The following KLHL12 variants were observed in gnomAD, a reference collection of about 807,000 sequenced individuals.
KLHL12 encodes the protein kelch like family member 12.
A neutral mutation model predicts 60.8 loss-of-function variants in KLHL12; 17 were observed. The ratio of observed to expected loss-of-function variants is 0.28; its 90% CI spans 0.19 to 0.42. KLHL12 has a LOEUF of 0.42. KLHL12 is among the 10% of genes least tolerant of loss of function. KLHL12 has a pLI of 1.00. For missense variants in KLHL12, 468 were observed against 722.3 expected, an observed-to-expected ratio of 0.65 and a Z score of 4.04; for synonymous variants, 220 against 250.9, an observed-to-expected ratio of 0.88 and a Z score of 1.16.
intron 6 of KLHL12, among the ~76,000 whole-genome samples, chr1:202,907,231 G>T (rs1344750108): frequency 2.6e-5 from 4 of 152,114 alleles, no homozygotes; most frequent in African/African-American, 9.7e-5. Context: ...GATTATGGAT[G>T]ATTTTTATTT....
At chr1:202,906,576 T>C (rs1334660291) in intron 6 of KLHL12, among the ~76,000 whole-genome samples, 1 of 151,982 alleles carries the variant, frequency 6.6e-6, no homozygotes, top group Non-Finnish European at 1.5e-5. Context: ...CAGAGATTGA[T>C]TGTATAACAA....
chr1:202,900,971 G>T (rs1194404251), intron 6 of KLHL12, among the ~76,000 whole-genome samples: 1 of 152,086 alleles, frequency 6.6e-6, no homozygotes, highest in Non-Finnish European at 1.5e-5. Flanking sequence ...ACTTGAACCT[G>T]GGAGGCGGAG....
intron 4 of KLHL12, among the ~76,000 whole-genome samples, chr1:202,917,961 C>A (rs549807870): frequency 6.6e-6 from 1 of 152,264 alleles, no homozygotes; most frequent in Admixed American, 6.5e-5. Context: ...GTGATTCTTA[C>A]CCACTGGGAT....
chr1:202,913,063 A>T (rs556910589), intron 4 of KLHL12, among the ~76,000 whole-genome samples: 4 of 148,116 alleles, frequency 2.7e-5, no homozygotes, highest in South Asian at 2.2e-4. Context: ...TAAATGTCTT[A>T]AAAAAAAAAC....
chr1:202,925,592 A>G (rs1179907304), intron 1 of KLHL12, among the ~76,000 whole-genome samples: 1 of 152,210 alleles, frequency 6.6e-6, no homozygotes, highest in East Asian at 1.9e-4. Context: ...TTAAGTAGAT[A>G]AGTATTTAGA....
At chr1:202,926,104 CAAAAAAAAAAA>C (rs368473168) in intron 1 of KLHL12, among the ~76,000 whole-genome samples, 1 of 59,538 alleles carries the variant, frequency 1.7e-5, no homozygotes, top group African/African-American at 5.1e-5. Flanking sequence ...GACTCTGTCT[CAAAAAAAAAAA>C]AAAAAAAAGA....
chr1:202,906,455 C>CAAAA (rs59435824), intron 6 of KLHL12, among the ~76,000 whole-genome samples: 1 of 52,740 alleles, frequency 1.9e-5, no homozygotes, highest in Non-Finnish European at 3.7e-5. Context: ...CGCTTCGTCT[C>CAAAA]AAAAAAAAAA....
Position 202,895,651 on chromosome 1 carries a change from C to T in KLHL12, c.1006G>A (p.Gly336Ser), listed in dbSNP as rs1659810615. The T allele has an allele frequency of 6.2e-7, 1 of 1,614,018 alleles. No individual in the cohort carries two copies. Among genetic ancestry groups the T allele is most frequent in the Admixed American group, 1.7e-5 (1 of 60,000 alleles). ...SLHDRIYVIG[G>S]YDGRSRLSSV... The stretch of plus-strand genomic sequence containing the variant: ...CTAAGGCGGGAACGGCCATCATAGC[C>T]ACCAATGACGTAGATCCGGTCATGA... Residue 336 changes from glycine to serine, a missense_variant, in exon 8 of 12, where the codon GGC (glycine) becomes AGC (serine). Coordinates refer to ENST00000367261, the MANE Select transcript of KLHL12 (RefSeq NM_021633.4). This position sits in a 1 kb window ranked among gnomAD's most constrained non-coding sequence, Gnocchi z 4.2.
At chr1:202,922,484 C>A (rs1660725218) in intron 2 of KLHL12, among the ~76,000 whole-genome samples, 1 of 151,182 alleles carries the variant, frequency 6.6e-6, no homozygotes, top group East Asian at 1.9e-4. Flanking sequence ...CAAAGAAGAT[C>A]CAAGACTTTT....
intron 6 of KLHL12, among the ~76,000 whole-genome samples, chr1:202,899,406 A>G (rs1487007141): frequency 6.6e-6 from 1 of 152,186 alleles, no homozygotes; most frequent in South Asian, 2.1e-4. Flanking sequence ...TTTTCTTAAT[A>G]AAACATATAC....
chr1:202,923,207 A>C (rs982419747), intron 2 of KLHL12, among the ~76,000 whole-genome samples: 5 of 152,264 alleles, frequency 3.3e-5, no homozygotes, highest in Non-Finnish European at 5.9e-5. Context: ...TCCAAATAAC[A>C]AAAGAGTAAA....
At position 202,908,908 on chromosome 1, in the gene KLHL12, C is replaced by T. The variant is rs562773357; in HGVS notation, c.832+102G>A. 5.0e-5 allele frequency: 35 copies of T among 705,852 alleles called. No homozygotes were observed. In the African/African-American group the frequency reaches 6.1e-4, roughly 12 times the overall value. 43.7% of individuals were successfully genotyped at this position (705,852 alleles called of 1,614,324 possible). A position where few individuals can be genotyped will look rare whatever the true frequency, so the allele number is the denominator to read the frequency against. On this transcript the variant is annotated intron_variant, in intron 6 of 11. Coordinates refer to ENST00000367261, the MANE Select transcript of KLHL12 (RefSeq NM_021633.4). ...AGATGATAGAAGAAAAGGTCTGAAA[C>T]GAGGTGTCTGTACTTCTTATAGAGT... is the stretch of plus-strand genomic sequence containing the variant.
chr1:202,892,487 T>G lies in KLHL12; in HGVS notation c.*46A>C. ...AAGGATTTTTGATTCTCCCACTAAC[T>G]GTCCACTGGACTGGTCACTAGCTCT... On this transcript the variant is annotated 3_prime_UTR_variant, in exon 12 of 12. Transcript: ENST00000367261. 1 of 1,597,390 alleles carries G rather than the reference T, an allele frequency of 6.3e-7. No homozygotes were observed. The highest frequency in any genetic ancestry group is 8.6e-7 in the Non-Finnish European group (1 of 1,168,636).
rs1659791876 is a variant in KLHL12 at position 202,895,125 on chromosome 1, C to T, written c.1136-376G>A. Among the ~76,000 whole-genome samples, 1 of 152,192 alleles carries T rather than the reference C, an allele frequency of 6.6e-6. No individual in the cohort carries two copies. ...AGTATTTGTCGGCTGGGCACAGTGG[C>T]TCACACCTGTAATCCCAGCACCTTG... On this transcript the variant is annotated intron_variant, in intron 8 of 11. Transcript: ENST00000367261. This position sits in a 1 kb window ranked among gnomAD's most constrained non-coding sequence, Gnocchi z 4.2.
chr1:202,896,374 A>G (rs1443021440), intron 7 of KLHL12, among the ~76,000 whole-genome samples: 2 of 152,094 alleles, frequency 1.3e-5, no homozygotes, highest in Non-Finnish European at 2.9e-5. Flanking sequence ...ACTTTTTTGT[A>G]GAGACAGAGT....
In KLHL12 at chr1:202,895,429, G is replaced by A. The variant is rs772381045; in HGVS notation, c.1135+93C>T. On this transcript the variant is annotated intron_variant, in intron 8 of 11. Transcript: ENST00000367261. The surrounding 1 kb of genome is among the most constrained non-coding windows in gnomAD (Gnocchi z 4.2). The stretch of plus-strand genomic sequence containing the variant: ...AACATTTGACCTTAATTTTTTCTCC[G>A]TATTTCATGCTCCTGCCAGACAACA... The A allele has an allele frequency of 6.5e-5, 71 of 1,087,352 alleles. No homozygotes were observed. The highest frequency in any genetic ancestry group is 6.2e-4 in the African/African-American group (39 of 62,914). 67.4% of individuals were successfully genotyped at this position (1,087,352 alleles called of 1,614,324 possible). A position where few individuals can be genotyped will look rare whatever the true frequency, so the allele number is the denominator to read the frequency against.
rs180861769 is a variant in KLHL12 at position 202,901,754 on chromosome 1, C to T, written c.833-4794G>A. Among the ~76,000 whole-genome samples the T allele has an allele frequency of 9.8e-4, 149 of 152,250 alleles. 2 individuals are homozygous for T. The highest frequency in any genetic ancestry group is 3.4e-3 in the African/African-American group (142 of 41,546). Reference sequence around the variant, plus strand: ...AGTGAGTTTAAGTAATTAACTTCCCCGCAACTGCCAACAGAGCTTTTGATA... The same window carrying T: ...AGTGAGTTTAAGTAATTAACTTCCCTGCAACTGCCAACAGAGCTTTTGATA... On this transcript the variant is annotated intron_variant, in intron 6 of 11. Coordinates refer to ENST00000367261, the MANE Select transcript of KLHL12 (RefSeq NM_021633.4).
chr1:202,911,693 C>A (rs1009110029), intron 4 of KLHL12: 4 of 544,474 alleles, frequency 7.3e-6, no homozygotes, highest in Admixed American at 5.4e-5. Context: ...TTCACCCAAG[C>A]CTCTGAAGCA....
At position 202,894,291 on chromosome 1, in the gene KLHL12, C is replaced by CA. The variant is rs778115101; in HGVS notation, c.1295-10dup. 2 of 1,524,684 alleles carry CA rather than the reference C, an allele frequency of 1.3e-6. No individual in the cohort carries two copies. The highest frequency in any genetic ancestry group is 2.4e-5 in the South Asian group (2 of 83,682). The allele number at this position is 1,524,684 out of a possible 1,614,324, so 94.4% of individuals were successfully genotyped here. A position where few individuals can be genotyped will look rare whatever the true frequency, so the allele number is the denominator to read the frequency against. On this transcript the variant is annotated splice_polypyrimidine_tract_variant and intron_variant, in intron 9 of 11. Transcript: ENST00000367261. Reference sequence around the variant, plus strand: ...CAAGCCGTCATATCCTCCTGGAAGACAGAGACCATTCCAGAAAGAGTGGTA... The same window carrying CA: ...CAAGCCGTCATATCCTCCTGGAAGACAAGAGACCATTCCAGAAAGAGTGGTA...
Sources: allele counts gnomAD v4.1 joint callset (sites outside exome capture counted in the v4.1 genomes callset), GRCh38; gene constraint gnomAD v4.1.1; non-coding constraint Gnocchi (gnomAD v3.1); transcripts MANE v1.5; gene names NCBI Gene and HGNC (gene_info 2026-07-23, HGNC 2026-07-21).